Variants in DST observed in about 807,000 individuals in gnomAD.
The protein encoded by DST is bullous pemphigoid antigen.
DST carries 253 observed loss-of-function variants against 875.2 expected under a neutral mutation model. The ratio of observed to expected loss-of-function variants is 0.29; its 90% CI spans 0.26 to 0.32. DST has a LOEUF of 0.32. Ranked by LOEUF, DST falls within the 10% of genes least tolerant of loss-of-function variation. The pLI is 1.00. For missense variants in DST, 8,287 were observed against 9,111.6 expected (o/e 0.91, Z 3.68); for synonymous variants, 3,124 against 3,197.1 (o/e 0.98, Z 0.77).
rs1471940596 is a variant in DST, at chr6:56,630,241, A to AT, written c.4281+3dup. 6.3e-7 allele frequency: 1 copy of AT among 1,576,418 alleles called. No homozygotes were observed. Among genetic ancestry groups the AT allele is most frequent in the Non-Finnish European group, 8.7e-7 (1 of 1,148,406 alleles). On this transcript the variant is annotated splice_donor_region_variant and intron_variant, in intron 31 of 103. Coordinates refer to ENST00000680361, the MANE Select transcript of DST (RefSeq NM_001374736.1). The stretch of plus-strand genomic sequence containing the variant: ...TTAAAAATATCCAAAAGTGAGTCTC[A>AT]TACCTTTAAAGTACTTATTAGATTC...
chr6:56,573,872 C>T lies in DST; in HGVS notation c.13043G>A (p.Arg4348Lys), dbSNP rs1266925667. 2 of 1,612,392 alleles carry T rather than the reference C, an allele frequency of 1.2e-6. No individual in the cohort carries two copies. Among genetic ancestry groups the T allele is most frequent in the African/African-American group, 2.7e-5 (2 of 74,874 alleles). ...AACAGACTTGGACAGATCCTCATAT[C>T]TCCCAACAATGTCATCTACTCCAAA... is the stretch of plus-strand genomic sequence containing the variant. ...IQKTLDDIVG[R>K]YEDLSKSVNE... is the part of the protein sequence containing the mutation. The change falls in exon 51 of 104, where the codon AGA (arginine) becomes AAA (lysine). Residue 4348 changes from arginine (R) to lysine (K), a missense_variant. Transcript: ENST00000680361.
intron 22 of DST, chr6:56,638,990 T>A: frequency 2.0e-6 from 1 of 509,720 alleles, no homozygotes; most frequent in Non-Finnish European, 3.5e-6. Flanking sequence ...AATATGGCAA[T>A]GCTTACACAG....
chr6:56,739,753 C>T lies in DST; in HGVS notation c.626-4464G>A, dbSNP rs964731177. The stretch of plus-strand genomic sequence containing the variant: ...GTCCTCACTATGACATTCCCACCAG[C>T]GCCATGACAGTTTACAAATCCCATG... On this transcript the variant is annotated intron_variant, in intron 4 of 103. Transcript: ENST00000680361. Among the ~76,000 whole-genome samples, 6 of 152,170 alleles carry T rather than the reference C, an allele frequency of 3.9e-5. No individual in the cohort carries two copies. In the East Asian group the frequency reaches 5.8e-4, roughly 15 times the overall value.
Position 56,880,104 on chromosome 6 carries a change from A to T in DST, c.417+20317T>A, listed in dbSNP as rs1369645421. 5.3e-5 allele frequency among the ~76,000 whole-genome samples: 8 copies of T among 152,366 alleles called. No homozygotes were observed. In the South Asian group the frequency reaches 6.2e-4, roughly 12 times the overall value. On this transcript the variant is annotated intron_variant, in intron 3 of 103. Coordinates refer to ENST00000680361, the MANE Select transcript of DST (RefSeq NM_001374736.1). The stretch of plus-strand genomic sequence containing the variant: ...ACAACCCAACTTGTTAATTCATCAC[A>T]ATAACTGAATGTATGATTTTCCTTT...
At position 56,526,491 on chromosome 6, in the gene DST, A is replaced by C. The variant is rs2096799222; in HGVS notation, c.17999T>G (p.Leu6000Arg). ...TCCTTCTCTTGCCCTCCATGGTACCAGTTCCAGCAAAGCACTGCTCACTTC... is the reference window on the plus strand; with the variant it reads ...TCCTTCTCTTGCCCTCCATGGTACCCGTTCCAGCAAAGCACTGCTCACTTC... The part of the protein sequence containing the change: ...LNEVSSALLE[L>R]VPWRAREGLE... Residue 6000 changes from leucine (L) to arginine (R), a missense_variant, in exon 69 of 104, where the codon CTG (leucine) becomes CGG (arginine). Physicochemically the swap from Leu to Arg is moderately radical, Grantham distance 102. Transcript: ENST00000680361. 2.5e-6 allele frequency: 4 copies of C among 1,613,878 alleles called. No individual in the cohort carries two copies. Among genetic ancestry groups the C allele is most frequent in the African/African-American group, 1.3e-5 (1 of 75,034 alleles).
intron 9 of DST, among the ~76,000 whole-genome samples, chr6:56,685,415 G>A (rs116663242): frequency 0.015 from 2,295 of 152,176 alleles, 56 homozygotes; most frequent in African/African-American, 0.052. Context: ...CAATATCACC[G>A]ATCATTAAAG....
At chr6:56,693,393 C>T in intron 9 of DST, 1 of 1,114,516 alleles carries the variant, frequency 9.0e-7, no homozygotes, top group Non-Finnish European at 1.1e-6. Flanking sequence ...GCCACCAATC[C>T]TCTTAGACAA....
intron 69 of DST, among the ~76,000 whole-genome samples, chr6:56,520,319 G>A (rs1199535378): frequency 2.0e-5 from 3 of 152,124 alleles, no homozygotes; most frequent in African/African-American, 7.2e-5. Context: ...GAAAGAGATT[G>A]TGACTGAAAA....
At chr6:56,693,298 G>A (rs1279157896) in intron 9 of DST, 3 of 1,172,020 alleles carry the variant, frequency 2.6e-6, no homozygotes, top group Non-Finnish European at 2.1e-6. Flanking sequence ...AGGCCATTTT[G>A]CTTATGAGAA....
chr6:56,616,987 G>A (rs776792224), intron 36 of DST: 1 of 1,609,452 alleles, frequency 6.2e-7, no homozygotes, highest in Non-Finnish European at 8.5e-7. Flanking sequence ...TGTCTATTAT[G>A]ATTCTCTCGG....
intron 90 of DST, among the ~76,000 whole-genome samples, chr6:56,480,161 A>G (rs546759388): frequency 6.9e-4 from 105 of 152,350 alleles, no homozygotes; most frequent in South Asian, 1.9e-3. Flanking sequence ...CAAGTTTACT[A>G]TAATGGAGTC....
chr6:56,528,125 T>A (rs757390201), intron 67 of DST, among the ~76,000 whole-genome samples: 2 of 152,224 alleles, frequency 1.3e-5, no homozygotes, highest in East Asian at 3.8e-4. Context: ...CTGCTCTTAG[T>A]TATTCATCAT....
At chr6:56,693,000 T>C in intron 9 of DST, 1 of 1,289,854 alleles carries the variant, frequency 7.8e-7, no homozygotes, top group Non-Finnish European at 1.0e-6. Flanking sequence ...TTGCCCCAAC[T>C]GACTCTTTGT....
intron 17 of DST, among the ~76,000 whole-genome samples, chr6:56,641,607 C>T (rs565333880): frequency 3.3e-5 from 5 of 152,172 alleles, no homozygotes; most frequent in African/African-American, 1.2e-4. Flanking sequence ...AAAACAGACA[C>T]TTTTCTTAGA....
chr6:56,530,930 C>T (rs934404552), intron 64 of DST, among the ~76,000 whole-genome samples: 2 of 152,254 alleles, frequency 1.3e-5, no homozygotes, highest in Middle Eastern at 3.4e-3. Flanking sequence ...GCTGCCTTAA[C>T]TTCTTATCAT....
Position 56,636,583 on chromosome 6 carries a change from T to C in DST, c.3034A>G (p.Ile1012Val). The change falls in exon 23 of 104, where the codon ATA becomes GTA. Residue 1012 changes from isoleucine to valine, a missense_variant. This residue lies in a region of DST where 1,160 missense variants were observed against 1,424.3 expected (regional missense o/e 0.81). Coordinates refer to ENST00000680361, the MANE Select transcript of DST (RefSeq NM_001374736.1). ...TCGAAATACGCTGTGTTCTCCTTTATGTGCTGCTCCACACACTGGCAGAGC... is the reference window on the plus strand; with the variant it reads ...TCGAAATACGCTGTGTTCTCCTTTACGTGCTGCTCCACACACTGGCAGAGC... ...LQLCQCVEQH[I>V]KENTAYFEFF... is the part of the protein sequence containing the mutation. 2 of 1,613,498 alleles carry C rather than the reference T, an allele frequency of 1.2e-6. No individual in the cohort carries two copies. Among genetic ancestry groups the C allele is most frequent in the East Asian group, 4.5e-5 (2 of 44,880 alleles).
At chr6:56,817,133 A>G (rs1172524995) in intron 4 of DST, among the ~76,000 whole-genome samples, 1 of 151,886 alleles carries the variant, frequency 6.6e-6, no homozygotes, top group Non-Finnish European at 1.5e-5. Context: ...TTTTTTTTTA[A>G]TGAGGAGGGA....
Position 56,578,677 on chromosome 6 carries a change from T to C in DST, c.13027+137A>G, listed in dbSNP as rs949827301. 62 of 856,176 alleles carry C rather than the reference T, an allele frequency of 7.2e-5. No individual in the cohort carries two copies. In the African/African-American group the frequency reaches 8.9e-4, roughly 12 times the overall value. The allele number at this position is 856,176 out of a possible 1,614,324, so 53.0% of individuals were successfully genotyped here. ...CAAAGAAGGCATGCCTTTTCCCAGA[T>C]GCAGGAACACCATTTCACAGAGAAA... is the stretch of plus-strand genomic sequence containing the variant. On this transcript the variant is annotated intron_variant, in intron 50 of 103. Coordinates refer to ENST00000680361, the MANE Select transcript of DST (RefSeq NM_001374736.1).
At chr6:56,934,720 G>A (rs547923120) in intron 2 of DST, among the ~76,000 whole-genome samples, 3 of 150,416 alleles carry the variant, frequency 2.0e-5, no homozygotes, top group African/African-American at 7.3e-5. Context: ...CAGATTGGCT[G>A]CCCTCTGACA....
Sources: allele counts gnomAD v4.1 joint callset (sites outside exome capture counted in the v4.1 genomes callset), GRCh38; gene constraint gnomAD v4.1.1; regional missense constraint gnomAD v4.1.1; transcripts MANE v1.5; gene names NCBI Gene and HGNC (gene_info 2026-07-23, HGNC 2026-07-21).